The following AKAP9 variants were observed in gnomAD, a reference collection of about 807,000 sequenced individuals.
AKAP9 encodes the protein A-kinase anchoring protein 9, also known as A-kinase anchor protein 9.
In AKAP9, 311 loss-of-function variants were observed where a neutral mutation model predicts 488.5. The observed-to-expected ratio is 0.64, with a 90% CI of 0.58 to 0.70. AKAP9 has a LOEUF of 0.70. Among genes scored for constraint, AKAP9 ranks in the 30% least tolerant of loss-of-function variants. The probability of loss-of-function intolerance (pLI) is 0.00; values close to 1 mark genes in which losing one functional copy is unlikely to be tolerated. For missense variants in AKAP9, 4,215 were observed against 4,374.5 expected, an observed-to-expected ratio of 0.96 and a Z score of 1.03; for synonymous variants, 1,462 against 1,483.5, an observed-to-expected ratio of 0.99 and a Z score of 0.33.
chr7:91,980,484 T>A (rs1796253062), intron 3 of AKAP9, 151 bp downstream of exon 3: 1 of 295,364 alleles, frequency 3.4e-6, no homozygotes, highest in Non-Finnish European at 6.3e-6. Flanking sequence ...CTGAGGATTA[T>A]GTATTACTGA....
In AKAP9 at chr7:92,079,309, A is replaced by C; in HGVS notation, c.7176A>C (p.Ile2392=). The C allele has an allele frequency of 4.3e-6, 7 of 1,614,124 alleles. No individual in the cohort carries two copies. Among genetic ancestry groups the C allele is most frequent in the Non-Finnish European group, 5.9e-6 (7 of 1,180,008 alleles). ...DSLKHQLDVV[I]AEKLALEQQV... Reference sequence around the variant, plus strand: ...TAAAACATCAATTGGATGTGGTTATAGCTGAAAAGCTGGCCTTGGAACAGC... The same window carrying C: ...TAAAACATCAATTGGATGTGGTTATCGCTGAAAAGCTGGCCTTGGAACAGC... The change falls in exon 31 of 50, where the codon ATA becomes ATC. Residue 2392 remains isoleucine (I), a synonymous_variant. Transcript: ENST00000356239.
chr7:91,999,415 A>C (rs1584026809), intron 7 of AKAP9, among the ~76,000 whole-genome samples: 1 of 152,222 alleles, frequency 6.6e-6, no homozygotes, highest in East Asian at 1.9e-4. Flanking sequence ...TAGTAGAGAC[A>C]GGGTTTCACC....
chr7:92,085,343 A>T (rs1814336378), intron 35 of AKAP9, 152 bp from the exon 36 acceptor site: 3 of 743,696 alleles, frequency 4.0e-6, no homozygotes, highest in Non-Finnish European at 4.5e-6. Flanking sequence ...GGGTTGGCTT[A>T]CCCCTCCACA....
chr7:92,107,459 T>C, intron 48 of AKAP9, 37 bp downstream of exon 48: 2 of 1,592,032 alleles, frequency 1.3e-6, no homozygotes, highest in Non-Finnish European at 1.7e-6. Flanking sequence ...AATTGTTAAA[T>C]GTATTAATAT....
chr7:92,076,290 A>G lies in AKAP9; in HGVS notation c.6613-565A>G, dbSNP rs183304896. Among the ~76,000 whole-genome samples, 10 of 152,278 alleles carry G rather than the reference A, an allele frequency of 6.6e-5. No individual in the cohort carries two copies. The East Asian group carries it at 1.9e-3, about 29-fold the overall frequency. ...TAGGAGCTCTCTAATTTTCTCCTGA[A>G]TTGTATAATTCACTTACTCTAAGGT... On this transcript the variant is annotated intron_variant, in intron 28 of 49. Transcript: ENST00000356239.
At chr7:92,100,251 C>G (rs1353307245) in intron 44 of AKAP9, among the ~76,000 whole-genome samples, 1 of 152,152 alleles carries the variant, frequency 6.6e-6, no homozygotes, top group African/African-American at 2.4e-5. Context: ...TGACTGTTCT[C>G]TTCATTTAAT....
intron 15 of AKAP9, 45 bp from the exon 16 acceptor site, chr7:92,031,467 G>A (rs774696944): frequency 1.3e-5 from 17 of 1,329,024 alleles, no homozygotes; most frequent in African/African-American, 4.3e-5. Context: ...AATAAGTGGT[G>A]TATAATTAAT....
At position 91,983,308 on chromosome 7, in the gene AKAP9, T is replaced by A. The variant is rs372324850; in HGVS notation, c.351+2975T>A. Among the ~76,000 whole-genome samples the A allele has an allele frequency of 2.6e-5, 4 of 152,316 alleles. 1 individual carries two copies. Reference sequence around the variant, plus strand: ...TGAGTGAGAACATGTGGTGTTTGGTTTTCTATCCTTGTGATAGTTTGCTCA... The same window carrying A: ...TGAGTGAGAACATGTGGTGTTTGGTATTCTATCCTTGTGATAGTTTGCTCA... On this transcript the variant is annotated intron_variant, in intron 3 of 49. Transcript: ENST00000356239.
chr7:92,016,596 C>T (rs927678911), intron 11 of AKAP9, among the ~76,000 whole-genome samples: 1 of 151,756 alleles, frequency 6.6e-6, no homozygotes, highest in Admixed American at 6.6e-5. Flanking sequence ...TGAATAAGTT[C>T]ATATCAATGG....
At chr7:92,106,605 T>C (rs1818550492) in intron 47 of AKAP9, among the ~76,000 whole-genome samples, 1 of 152,200 alleles carries the variant, frequency 6.6e-6, no homozygotes, top group African/African-American at 2.4e-5. Context: ...TGTATAATAA[T>C]GGTAACAGCT....
intron 43 of AKAP9, among the ~76,000 whole-genome samples, chr7:92,098,542 A>T (rs1351304025): frequency 6.6e-6 from 1 of 152,172 alleles, no homozygotes; most frequent in African/African-American, 2.4e-5. Flanking sequence ...TAAACAATTG[A>T]CTAGTCTGGT....
chr7:92,034,437 C>G (rs934311627), intron 16 of AKAP9, among the ~76,000 whole-genome samples: 1 of 149,208 alleles, frequency 6.7e-6, no homozygotes, highest in Non-Finnish European at 1.5e-5. Flanking sequence ...GCTCACACTT[C>G]CGGTGAATTT....
intron 49 of AKAP9, chr7:92,109,033 G>A (rs1276014493): frequency 1.5e-5 from 4 of 261,952 alleles, no homozygotes; most frequent in African/African-American, 6.9e-5. Context: ...GCAGCAGAGC[G>A]AGACCCTGTC....
chr7:92,058,982 G>A (rs1028344377), intron 22 of AKAP9, among the ~76,000 whole-genome samples: 2 of 151,918 alleles, frequency 1.3e-5, no homozygotes, highest in African/African-American at 2.4e-5. Context: ...AAGGATAAGT[G>A]TTTAGCATAA....
At position 92,029,992 on chromosome 7, in the gene AKAP9, G is replaced by T; in HGVS notation, c.4245+1G>T. 1 of 1,585,882 alleles carries T rather than the reference G, an allele frequency of 6.3e-7. No individual in the cohort carries two copies. The highest frequency in any genetic ancestry group is 8.6e-7 in the Non-Finnish European group (1 of 1,156,770). ...AAAGAATATTGATGGTACAATAGAG[G>T]TATTATATTTTTAATTTTTATCTTT... On this transcript the variant is annotated splice_donor_variant, in intron 15 of 49. Coordinates refer to ENST00000356239, the MANE Select transcript of AKAP9 (RefSeq NM_005751.5). LOFTEE classifies it high-confidence loss of function.
rs947688415 is a variant in AKAP9 at position 92,001,223 on chromosome 7, G to C, written c.1306G>C (p.Glu436Gln). 8 of 1,613,978 alleles carry C rather than the reference G, an allele frequency of 5.0e-6. No homozygotes were observed. In the South Asian group the frequency reaches 5.5e-5, roughly 11 times the overall value. The stretch of plus-strand genomic sequence containing the variant: ...AAGAAAGTTAGAACAACTCCGGGCA[G>C]AGCTGGATGAGATGTATGGGCAGCA... The part of the protein sequence containing the change: ...TQRKLEQLRA[E>Q]LDEMYGQQIV... The change falls in exon 8 of 50, where the codon GAG (glutamate) becomes CAG (glutamine). Residue 436 changes from glutamate to glutamine, a missense_variant. Around this residue, in one of 5 missense-constraint regions of AKAP9, gnomAD observed 2,361 missense variants for 2,430.0 expected, o/e 0.97. Transcript: ENST00000356239.
At position 91,941,914 on chromosome 7, in the gene AKAP9, A is replaced by ATGTGTG. The variant is rs1584499302; in HGVS notation, c.48+767_48+768insTGTGTG. ...TGTGTGTGTGTGTGTGTGTGTGTGA[A>ATGTGTG]CGGTTATGGAAAAGCCTGTAAAGCA... is the stretch of plus-strand genomic sequence containing the variant. On this transcript the variant is annotated intron_variant, in intron 1 of 49. Transcript: ENST00000356239. 3.0e-4 allele frequency among the ~76,000 whole-genome samples: 27 copies of ATGTGTG among 89,338 alleles called. No homozygotes were observed. In the East Asian group the frequency reaches 0.011, roughly 36 times the overall value. The allele number at this position is 89,338 out of a possible 152,430, so 58.6% of individuals were successfully genotyped here. A position where few individuals can be genotyped will look rare whatever the true frequency, so the allele number is the denominator to read the frequency against.
Position 92,022,997 on chromosome 7 carries a change from C to A in AKAP9, c.4136C>A (p.Thr1379Lys). 2 of 1,613,584 alleles carry A rather than the reference C, an allele frequency of 1.2e-6. No homozygotes were observed. The highest frequency in any genetic ancestry group is 8.5e-7 in the Non-Finnish European group (1 of 1,179,502). Residue 1379 changes from threonine (T) to lysine (K), a missense_variant, in exon 14 of 50, where the codon ACG (threonine) becomes AAG (lysine). Thr to Lys is a moderately conservative substitution (Grantham distance 78, BLOSUM62 -1). Around this residue, in one of 5 missense-constraint regions of AKAP9, gnomAD observed 2,361 missense variants for 2,430.0 expected, o/e 0.97. Coordinates refer to ENST00000356239, the MANE Select transcript of AKAP9 (RefSeq NM_005751.5). ...AGGCTTCAAGCTGTTAGTGAGTCCA[C>A]GGTTCCGCCAAGGTATTCATCTGCT... Reference protein sequence around the residue: ...QKRLQAVSESTVPPSLPVDSV... With the variant: ...QKRLQAVSESKVPPSLPVDSV...
At position 92,001,038 on chromosome 7, in the gene AKAP9, A is replaced by G. The variant is rs1179188429; in HGVS notation, c.1121A>G (p.Lys374Arg). The G allele has an allele frequency of 1.3e-6, 2 of 1,591,978 alleles. No homozygotes were observed. The highest frequency in any genetic ancestry group is 1.4e-5 in the African/African-American group (1 of 73,652). The change falls in exon 8 of 50, where the codon AAA becomes AGA. Residue 374 changes from lysine (K) to arginine (R), a missense_variant. Physicochemically the swap from Lys to Arg is conservative, Grantham distance 26 (BLOSUM62 2). Transcript: ENST00000356239. ...ATTGTGCAAAAGAACCAAGAAATAA[A>G]AAACATGAAATTAGAGCTGACTAAT... Reference protein sequence around the residue: ...EQIVQKNQEIKNMKLELTNSK... With the variant: ...EQIVQKNQEIRNMKLELTNSK...
Sources: allele counts gnomAD v4.1 joint callset (sites outside exome capture counted in the v4.1 genomes callset), GRCh38; gene constraint gnomAD v4.1.1; regional missense constraint gnomAD v4.1.1; transcripts MANE v1.5; gene names NCBI Gene and HGNC (gene_info 2026-07-23, HGNC 2026-07-21).